Variants in TCN1 observed in about 807,000 individuals in gnomAD.
TCN1 encodes transcobalamin 1.
TCN1 carries 47 observed loss-of-function variants against 46.3 expected under a neutral mutation model. The ratio of observed to expected loss-of-function variants is 1.01; its 90% CI spans 0.80 to 1.29. TCN1 has a LOEUF of 1.29. Ranked by LOEUF, TCN1 falls within the 50% of genes most tolerant of loss-of-function variation. The pLI is 0.00. For missense variants in TCN1, 532 were observed against 511.0 expected (o/e 1.04, Z -0.40); for synonymous variants, 183 against 192.5 (o/e 0.95, Z 0.41).
chr11:59,863,433 T>C (rs1853038193), intron 2 of TCN1, among the ~76,000 whole-genome samples: 1 of 152,128 alleles, frequency 6.6e-6, no homozygotes, highest in South Asian at 2.1e-4. Flanking sequence ...ATTCTCATAA[T>C]TCTTATAATA....
intron 4 of TCN1, among the ~76,000 whole-genome samples, chr11:59,861,316 A>T (rs1162202603): frequency 6.6e-6 from 1 of 152,194 alleles, no homozygotes; most frequent in Non-Finnish European, 1.5e-5. Flanking sequence ...TGGAGCAGAA[A>T]CCGGGTATTT....
At position 59,862,582 on chromosome 11, in the gene TCN1, C is replaced by G; in HGVS notation, c.400G>C (p.Glu134Gln). ...NKFQAEIENMEAHNGTPLTNY... is the reference protein window; with the variant it reads ...NKFQAEIENMQAHNGTPLTNY... ...GGGTCTCTAAATATTTAATTCTTAC[C>G]CATATTTTCAATTTCTGCTTGGAAT... is the stretch of plus-strand genomic sequence containing the variant. Residue 134 changes from glutamate (E) to glutamine (Q), a missense_variant and splice_region_variant, in exon 3 of 9, where the codon GAA (glutamate) becomes CAA (glutamine). Coordinates refer to ENST00000257264, the MANE Select transcript of TCN1 (RefSeq NM_001062.4). 1 of 1,613,074 alleles carries G rather than the reference C, an allele frequency of 6.2e-7. No individual in the cohort carries two copies. Among genetic ancestry groups the G allele is most frequent in the Non-Finnish European group, 8.5e-7 (1 of 1,179,442 alleles).
intron 4 of TCN1, among the ~76,000 whole-genome samples, chr11:59,860,357 G>A (rs539448238): frequency 6.6e-6 from 1 of 151,918 alleles, no homozygotes; most frequent in South Asian, 2.1e-4. Flanking sequence ...TTGAACTCCC[G>A]ACCTCAGGTG....
Position 59,855,941 on chromosome 11 carries a change from G to A in TCN1, c.865C>T (p.Gln289Ter), listed in dbSNP as rs748402048. The A allele has an allele frequency of 2.0e-5, 33 of 1,613,706 alleles. No individual in the cohort carries two copies. The highest frequency in any genetic ancestry group is 2.4e-5 in the Non-Finnish European group (28 of 1,179,806). Reference sequence around the variant, plus strand: ...TTTCCCATCAGGGCAGGTAAGACCTGGGCTGCAGCGTTTGGATTGCTGAAT... The same window carrying A: ...TTTCCCATCAGGGCAGGTAAGACCTAGGCTGCAGCGTTTGGATTGCTGAAT... ...GAFSNPNAAAQVLPALMGKTF... is the reference protein window; with the variant it reads ...GAFSNPNAAA The change falls in exon 6 of 9, where the codon CAG becomes TAG. Residue 289 changes from glutamine (Q) to a stop codon, truncating the protein, a stop_gained. Coordinates refer to ENST00000257264, the MANE Select transcript of TCN1 (RefSeq NM_001062.4). LOFTEE classifies it high-confidence loss of function.
chr11:59,854,977 C>T (rs1343844736), intron 6 of TCN1, 142 bp from the exon 7 acceptor site: 8 of 895,780 alleles, frequency 8.9e-6, no homozygotes, highest in Non-Finnish European at 1.0e-5. Flanking sequence ...TATCATCACT[C>T]AAGGGGCAAA....
rs528061272 is a variant in TCN1, at chr11:59,863,344, TTC to T, written c.259+561_259+562del. 1.0e-3 allele frequency among the ~76,000 whole-genome samples: 157 copies of T among 152,256 alleles called. 1 individual carries two copies. The Middle Eastern group carries it at 0.021, about 20-fold the overall frequency. ...AAACAACAAGATCTTGGGTTTTTTT[TTC>T]TTTGTGGTACCAGCTTGCTAGGATA... On this transcript the variant is annotated intron_variant, in intron 2 of 8. Transcript: ENST00000257264.
intron 8 of TCN1, 75 bp downstream of exon 8, chr11:59,853,128 A>G (rs1160084688): frequency 2.6e-5 from 42 of 1,601,768 alleles, no homozygotes; most frequent in South Asian, 3.3e-5. Flanking sequence ...CCTTGGCCCA[A>G]TCCCCACAGA....
chr11:59,852,986 T>A lies in TCN1; in HGVS notation c.1291A>T (p.Ser431Cys). Residue 431 changes from serine to cysteine, a missense_variant, in exon 9 of 9, where the codon AGC (serine) becomes TGC (cysteine). Coordinates refer to ENST00000257264, the MANE Select transcript of TCN1 (RefSeq NM_001062.4). ...RNGENLEVRW[S>C]KY Reference sequence around the variant, plus strand: ...AAAGTTTGGGCTTATTAGTATTTGCTCCAGCGAACCTCCAAGTTTTCTCCA... The same window carrying A: ...AAAGTTTGGGCTTATTAGTATTTGCACCAGCGAACCTCCAAGTTTTCTCCA... The A allele has an allele frequency of 6.2e-7, 1 of 1,614,142 alleles. No individual in the cohort carries two copies. The highest frequency in any genetic ancestry group is 8.5e-7 in the Non-Finnish European group (1 of 1,180,012).
intron 6 of TCN1, among the ~76,000 whole-genome samples, chr11:59,855,116 AT>A (rs199752274): frequency 6.5e-4 from 97 of 149,290 alleles, no homozygotes; most frequent in African/African-American, 2.3e-3. Context: ...GAGGATCCTG[AT>A]TTTTTTTTTC....
intron 1 of TCN1, among the ~76,000 whole-genome samples, chr11:59,865,737 C>G (rs1853066366): frequency 6.6e-6 from 1 of 152,126 alleles, no homozygotes; most frequent in East Asian, 1.9e-4. Flanking sequence ...TTGGGTCATT[C>G]AATAACTAAG....
intron 1 of TCN1, 84 bp from the exon 2 acceptor site, chr11:59,864,170 T>C: frequency 1.4e-6 from 2 of 1,469,560 alleles, no homozygotes; most frequent in Non-Finnish European, 1.9e-6. Context: ...AAATATTTAG[T>C]AACAGATATG....
rs779789933 is a variant in TCN1 at position 59,861,635 on chromosome 11, C to T, written c.448G>A (p.Asp150Asn). 1.2e-6 allele frequency: 2 copies of T among 1,614,132 alleles called. No individual in the cohort carries two copies. Among genetic ancestry groups the T allele is most frequent in the Non-Finnish European group, 1.7e-6 (2 of 1,179,988 alleles). The change falls in exon 4 of 9, where the codon GAC becomes AAC. Residue 150 changes from aspartate to asparagine, a missense_variant. Coordinates refer to ENST00000257264, the MANE Select transcript of TCN1 (RefSeq NM_001062.4). ...PLTNYYQLSL[D>N]VLALCLFNGN... is the part of the protein sequence containing the mutation. ...TTGAACAGACACAAGGCCAAAACGT[C>T]CAGGCTGAGCTGGTAGTAGTTAGTC...
intron 6 of TCN1, 97 bp downstream of exon 6, chr11:59,855,772 T>C: frequency 7.3e-7 from 1 of 1,361,256 alleles, no homozygotes; most frequent in Non-Finnish European, 1.0e-6. Context: ...TTTGGAGGTT[T>C]ATCTGGTCAC....
rs1852989056 is a variant in TCN1 at position 59,859,237 on chromosome 11, G to A, written c.587C>T (p.Thr196Ile). The A allele has an allele frequency of 6.2e-7, 1 of 1,613,758 alleles. No individual in the cohort carries two copies. The highest frequency in any genetic ancestry group is 1.7e-5 in the Admixed American group (1 of 60,002). Residue 196 changes from threonine to isoleucine, a missense_variant, in exon 5 of 9, where the codon ACC (threonine) becomes ATC (isoleucine). Coordinates refer to ENST00000257264, the MANE Select transcript of TCN1 (RefSeq NM_001062.4). ...ATTTATTAGACTCTTCTTCACACAG[G>A]TCAGAGCCAGGACAGCCATTGCACC... ...DTGAMAVLAL[T>I]CVKKSLINGQ... is the part of the protein sequence containing the mutation.
chr11:59,853,352 C>T (rs1866688331), intron 7 of TCN1, 31 bp from the exon 8 acceptor site: 3 of 1,591,706 alleles, frequency 1.9e-6, no homozygotes, highest in Non-Finnish European at 2.6e-6. Context: ...GTTACTGGAA[C>T]TTAGAATTGT....
intron 6 of TCN1, 35 bp from the exon 7 acceptor site, chr11:59,854,870 G>A: frequency 6.2e-7 from 1 of 1,612,576 alleles, no homozygotes. Context: ...GCAATATTCA[G>A]AAAAATAAAA....
rs544491900 is a variant in TCN1, at chr11:59,861,448, A to C, written c.556+79T>G. ...GGTAGAAAATAAAATCCAGGTACTT[A>C]CTGGTAGAAAAACTCAAAGAGCAAG... On this transcript the variant is annotated intron_variant, in intron 4 of 8. Transcript: ENST00000257264. 8 of 1,468,630 alleles carry C rather than the reference A, an allele frequency of 5.4e-6. No homozygotes were observed. In the South Asian group the frequency reaches 9.1e-5, roughly 17 times the overall value. The allele number at this position is 1,468,630 out of a possible 1,614,324, so 91.0% of individuals were successfully genotyped here.
Position 59,853,020 on chromosome 11 carries a change from A to G in TCN1, c.1257T>C (p.Val419=), listed in dbSNP as rs2135103479. The part of the protein sequence containing the change: ...EPLSQGAGSY[V]VRNGENLEVR... Reference sequence around the variant, plus strand: ...CCTCCAAGTTTTCTCCATTGCGGACAACGTAACTACCAGCTCCTGAAAAGG... The same window carrying G: ...CCTCCAAGTTTTCTCCATTGCGGACGACGTAACTACCAGCTCCTGAAAAGG... The change falls in exon 9 of 9, where the codon GTT becomes GTC. Residue 419 remains valine (V), a synonymous_variant. Transcript: ENST00000257264. The G allele has an allele frequency of 6.2e-7, 1 of 1,614,198 alleles. No homozygotes were observed. Among genetic ancestry groups the G allele is most frequent in the Non-Finnish European group, 8.5e-7 (1 of 1,180,022 alleles).
chr11:59,855,336 G>T (rs1852919136), intron 6 of TCN1, among the ~76,000 whole-genome samples: 1 of 152,120 alleles, frequency 6.6e-6, no homozygotes, highest in African/African-American at 2.4e-5. Context: ...TAAACATTTT[G>T]TCCAAGTTTC....
Sources: allele counts gnomAD v4.1 joint callset (sites outside exome capture counted in the v4.1 genomes callset), GRCh38; gene constraint gnomAD v4.1.1; transcripts MANE v1.5; gene names NCBI Gene and HGNC (gene_info 2026-07-23, HGNC 2026-07-21).